Variants in DGKH observed in about 807,000 individuals in gnomAD.
The protein encoded by DGKH is diacylglycerol kinase eta, also known as DAG kinase eta.
Under a neutral mutation model 159.3 loss-of-function variants are expected in DGKH, and 90 were observed. That is an observed-to-expected ratio of 0.57 (90% CI 0.48 to 0.67). DGKH has a LOEUF of 0.67. Ranked by LOEUF, DGKH falls within the 30% of genes least tolerant of loss-of-function variation. The pLI is 0.00. For synonymous variants in DGKH, 536 were observed against 553.8 expected (o/e 0.97, Z 0.45); for missense variants, 1,181 against 1,506.1 (o/e 0.78, Z 3.57).
intron 1 of DGKH, among the ~76,000 whole-genome samples, chr13:42,062,648 T>C (rs1882268008): frequency 6.6e-6 from 1 of 152,208 alleles, no homozygotes; most frequent in Admixed American, 6.5e-5. Flanking sequence ...CTACATCCAC[T>C]TGGGAGGTGT....
At position 42,215,883 on chromosome 13, in the gene DGKH, C is replaced by T. The variant is rs148654437; in HGVS notation, c.3213+216C>T. Among the ~76,000 whole-genome samples the T allele has an allele frequency of 7.3e-4, 111 of 152,310 alleles. No individual in the cohort carries two copies. The East Asian group carries it at 0.02, about 28-fold the overall frequency. ...GCTAACAGGAGTGGAGATTTCCCCT[C>T]ATATATGCCATCCTGTTTTTAGGCA... On this transcript the variant is annotated intron_variant, in intron 26 of 29. Coordinates refer to ENST00000337343, the MANE Select transcript of DGKH (RefSeq NM_178009.5).
intron 26 of DGKH, among the ~76,000 whole-genome samples, chr13:42,217,771 C>T (rs1280899679): frequency 5.3e-5 from 8 of 152,096 alleles, no homozygotes; most frequent in South Asian, 2.1e-4. Flanking sequence ...CAGTGGCTCA[C>T]GCCTGTAATT....
chr13:42,254,004 A>G (rs1958639071), intron 30 of DGKH, among the ~76,000 whole-genome samples: 1 of 152,136 alleles, frequency 6.6e-6, no homozygotes, highest in South Asian at 2.1e-4. Flanking sequence ...AAAAAAAAAA[A>G]AAAAAGTATA....
chr13:42,082,690 T>C (rs1299385822), intron 1 of DGKH, among the ~76,000 whole-genome samples: 1 of 152,218 alleles, frequency 6.6e-6, no homozygotes, highest in African/African-American at 2.4e-5. Flanking sequence ...GGTTCTAGAA[T>C]GCTGTCTAAA....
intron 1 of DGKH, 71 bp from the exon 2 acceptor site, chr13:42,127,392 C>G: frequency 9.4e-7 from 1 of 1,060,826 alleles, no homozygotes; most frequent in South Asian, 1.3e-5. Context: ...GAAAATGCAC[C>G]ATTGGCTCTG....
At chr13:42,187,899 A>G (rs1291616831) in intron 14 of DGKH, among the ~76,000 whole-genome samples, 1 of 151,948 alleles carries the variant, frequency 6.6e-6, no homozygotes, top group African/African-American at 2.4e-5. Context: ...TTCCCCCTTT[A>G]TAAACTAAAA....
At chr13:42,041,879 T>G (rs1486944162) in intron 1 of DGKH, among the ~76,000 whole-genome samples, 1 of 152,234 alleles carries the variant, frequency 6.6e-6, no homozygotes, top group Non-Finnish European at 1.5e-5. Flanking sequence ...GGATGCTGTT[T>G]TCCCAGGGAC....
At chr13:42,134,866 AT>A (rs1232253335) in intron 3 of DGKH, among the ~76,000 whole-genome samples, 1 of 152,146 alleles carries the variant, frequency 6.6e-6, no homozygotes, top group Non-Finnish European at 1.5e-5. Flanking sequence ...AGTTCCAGCT[AT>A]TTGGGAGGCT....
At chr13:42,225,811 A>G (rs1360048012) in intron 29 of DGKH, among the ~76,000 whole-genome samples, 1 of 151,770 alleles carries the variant, frequency 6.6e-6, no homozygotes, top group Non-Finnish European at 1.5e-5. Flanking sequence ...TTAATATATA[A>G]TGATATGTGA....
downstream of DGKH, among the ~76,000 whole-genome samples, chr13:42,245,448 A>G (rs944521670): frequency 6.6e-6 from 1 of 152,224 alleles, no homozygotes; most frequent in African/African-American, 2.4e-5. Context: ...TCTTTCACCT[A>G]TAGATTGAAT....
intron 29 of DGKH, chr13:42,225,383 A>G (rs556659724): frequency 7.8e-4 from 1,179 of 1,502,154 alleles, no homozygotes; most frequent in Non-Finnish European, 9.7e-4. Flanking sequence ...TCTATTTGGA[A>G]AGTTGTGTAT....
At chr13:42,247,786 A>T (rs1181948426), downstream of DGKH, among the ~76,000 whole-genome samples, 2 of 152,176 alleles carry the variant, frequency 1.3e-5, no homozygotes, top group Non-Finnish European at 2.9e-5. Context: ...AAAAAAGTTT[A>T]AAAAGTAAAA....
chr13:42,129,260 A>G (rs1221181641), intron 2 of DGKH, among the ~76,000 whole-genome samples: 1 of 152,166 alleles, frequency 6.6e-6, no homozygotes, highest in Non-Finnish European at 1.5e-5. Flanking sequence ...TATGCCACGC[A>G]CTCAGCAGGT....
chr13:42,133,042 G>A (rs1374304792), intron 3 of DGKH, among the ~76,000 whole-genome samples: 4 of 151,866 alleles, frequency 2.6e-5, no homozygotes, highest in African/African-American at 4.8e-5. Context: ...ATGGTGCCAC[G>A]TGCCTGTAGT....
In DGKH at chr13:42,198,573, AT is replaced by A; in HGVS notation, c.2265del (p.Ile755MetfsTer5). 1 of 1,612,470 alleles carries A rather than the reference AT, an allele frequency of 6.2e-7. No homozygotes were observed. The highest frequency in any genetic ancestry group is 8.5e-7 in the Non-Finnish European group (1 of 1,179,426). ...NIDPFGATPF[I>X]DPDLDSVDGY... ...TGATCCTTTTGGTGCCACGCCGTTT[AT>A]TGACCCGGATCTAGATTCCGTGTAA... On this transcript the variant is annotated frameshift_variant, in exon 18 of 30. Transcript: ENST00000337343. LOFTEE classifies it high-confidence loss of function.
chr13:42,121,088 CACAA>C (rs60283256), intron 1 of DGKH, among the ~76,000 whole-genome samples: 19,978 of 151,046 alleles, frequency 0.13, 1,481 homozygotes, highest in South Asian at 0.18. Flanking sequence ...CACACACACA[CACAA>C]CATGCGCACA....
chr13:42,212,277 A>G (rs927873722), intron 24 of DGKH, among the ~76,000 whole-genome samples: 1 of 152,150 alleles, frequency 6.6e-6, no homozygotes, highest in African/African-American at 2.4e-5. Flanking sequence ...TACACCCCCT[A>G]CTGCTGGACC....
At chr13:42,101,777 G>C (rs1212775124) in intron 1 of DGKH, among the ~76,000 whole-genome samples, 1 of 151,614 alleles carries the variant, frequency 6.6e-6, no homozygotes, top group East Asian at 1.9e-4. Context: ...GTGTGTGAGA[G>C]AGAGAGAGAG....
intron 3 of DGKH, among the ~76,000 whole-genome samples, chr13:42,144,966 C>T (rs1265761617): frequency 6.6e-6 from 1 of 152,324 alleles, no homozygotes; most frequent in South Asian, 2.1e-4. Context: ...TTGCAGCTAG[C>T]AGTGATTAAA....
Sources: gnomAD v4.1 joint callset for allele counts (sites outside exome capture counted in the v4.1 genomes callset) on GRCh38, gnomAD v4.1.1 for gene constraint, MANE v1.5 for transcripts, NCBI Gene and HGNC (gene_info 2026-07-23, HGNC 2026-07-21) for gene names.